Variants in HS3ST1 observed in about 807,000 individuals in gnomAD.
HS3ST1 encodes the protein heparan sulfate glucosamine 3-O-sulfotransferase 1.
In HS3ST1, 8 loss-of-function variants were observed where a neutral mutation model predicts 20.7. The observed-to-expected ratio is 0.39, with a 90% CI of 0.23 to 0.70. The LOEUF is 0.70. Among genes scored for constraint, HS3ST1 ranks in the 30% least tolerant of loss-of-function variants. The probability of loss-of-function intolerance (pLI) is 0.46; values close to 1 mark genes in which losing one functional copy is unlikely to be tolerated. For synonymous variants in HS3ST1, 205 were observed against 190.4 expected (o/e 1.08, Z -0.63); for missense variants, 436 against 423.4 (o/e 1.03, Z -0.26).
intron 1 of HS3ST1, among the ~76,000 whole-genome samples, chr4:11,413,590 C>T (rs887726243): frequency 6.6e-6 from 1 of 152,078 alleles, no homozygotes; most frequent in Non-Finnish European, 1.5e-5. Flanking sequence ...AAATTAGAGA[C>T]ACAGTTGACA....
chr4:11,423,098 CCTT>C (rs1718979699), intron 1 of HS3ST1, among the ~76,000 whole-genome samples: 1 of 148,900 alleles, frequency 6.7e-6, no homozygotes, highest in Non-Finnish European at 1.5e-5. Flanking sequence ...ATTAAGGCAT[CCTT>C]ACCACAGTCC....
chr4:11,432,603 G>A (rs1031853004), upstream of HS3ST1, among the ~76,000 whole-genome samples: 3 of 152,234 alleles, frequency 2.0e-5, no homozygotes, highest in African/African-American at 7.2e-5. Flanking sequence ...CACAGAGCCA[G>A]TTGGGTAGAG....
At chr4:11,414,063 T>A (rs1440546505) in intron 1 of HS3ST1, 6 of 152,284 alleles carry the variant, frequency 3.9e-5, no homozygotes, top group Admixed American at 3.9e-4. Flanking sequence ...CATAAAACAC[T>A]GGATCTTCCT....
chr4:11,407,570 T>C (rs1338613875), intron 1 of HS3ST1, among the ~76,000 whole-genome samples: 1 of 152,188 alleles, frequency 6.6e-6, no homozygotes, highest in African/African-American at 2.4e-5. Flanking sequence ...GAATGATAAA[T>C]GCAACCTGTC....
Position 11,423,995 on chromosome 4 carries a change from T to C in HS3ST1, c.-109+4704A>G, listed in dbSNP as rs558054896. ...CGAATTAGCTGCTGGCACTTGAAAGTGAGTAGATTTTACATAAAACTGTGA... is the reference window on the plus strand; with the variant it reads ...CGAATTAGCTGCTGGCACTTGAAAGCGAGTAGATTTTACATAAAACTGTGA... On this transcript the variant is annotated intron_variant, in intron 1 of 1. Transcript: ENST00000002596. Among the ~76,000 whole-genome samples the C allele has an allele frequency of 3.5e-5, 5 of 143,186 alleles. No homozygotes were observed. In the East Asian group the frequency reaches 1.0e-3, roughly 30 times the overall value. 93.9% of individuals were successfully genotyped at this position (143,186 alleles called of 152,430 possible).
chr4:11,400,281 A>G (rs1718288325), intron 1 of HS3ST1, among the ~76,000 whole-genome samples, 168 bp from the exon 2 acceptor site: 1 of 152,166 alleles, frequency 6.6e-6, no homozygotes, highest in African/African-American at 2.4e-5. Context: ...AGTCCAGAGA[A>G]TAAGTATTTT....
rs1718135236 is a variant in HS3ST1, at chr4:11,396,019, C to T, written c.*3063G>A. Reference sequence around the variant, plus strand: ...TTTTATATTCTTGAGGACTCAATACCATGTTGAGCATGTGGTAGGGGATCA... The same window carrying T: ...TTTTATATTCTTGAGGACTCAATACTATGTTGAGCATGTGGTAGGGGATCA... On this transcript the variant is annotated 3_prime_UTR_variant, in exon 2 of 2. Transcript: ENST00000002596. The T allele has an allele frequency of 6.6e-6, 1 of 151,914 alleles. No homozygotes were observed. The highest frequency in any genetic ancestry group is 6.6e-5 in the Admixed American group (1 of 15,242). The allele number at this position is 151,914 out of a possible 1,614,324, so 9.4% of individuals were successfully genotyped here. A position where few individuals can be genotyped will look rare whatever the true frequency, so the allele number is the denominator to read the frequency against.
chr4:11,424,647 T>A (rs1269811975), intron 1 of HS3ST1, among the ~76,000 whole-genome samples: 1 of 152,180 alleles, frequency 6.6e-6, no homozygotes, highest in Non-Finnish European at 1.5e-5. Context: ...CAAGATGGTG[T>A]TGCAGAAAAG....
rs1483081249 is a variant in HS3ST1 at position 11,400,471 on chromosome 4, T to C, written c.-108-358A>G. ...TGTCATTAAATATTATTTTCCTTCT[T>C]ACTATTGTTATTTTTTGCAATCATT... On this transcript the variant is annotated intron_variant, in intron 1 of 1. Coordinates refer to ENST00000002596, the MANE Select transcript of HS3ST1 (RefSeq NM_005114.4). 2.6e-5 allele frequency among the ~76,000 whole-genome samples: 4 copies of C among 152,246 alleles called. No individual in the cohort carries two copies. The East Asian group carries it at 5.8e-4, about 22-fold the overall frequency.
chr4:11,403,888 C>T (rs558694854), intron 1 of HS3ST1, among the ~76,000 whole-genome samples: 36 of 152,296 alleles, frequency 2.4e-4, no homozygotes, highest in Middle Eastern at 3.4e-3. Flanking sequence ...ATTCCACCTG[C>T]TTCAAATGAT....
chr4:11,425,894 A>G (rs1719047986), intron 1 of HS3ST1, among the ~76,000 whole-genome samples: 1 of 152,162 alleles, frequency 6.6e-6, no homozygotes, highest in South Asian at 2.1e-4. Flanking sequence ...ATAAGAAAAG[A>G]GCAGCCTCAA....
intron 1 of HS3ST1, among the ~76,000 whole-genome samples, chr4:11,404,902 G>A (rs1338796721): frequency 6.6e-6 from 1 of 152,202 alleles, no homozygotes; most frequent in Admixed American, 6.5e-5. Flanking sequence ...CAAGGTAAGT[G>A]ATGTTTTTAT....
rs1718237905 is a variant in HS3ST1 at position 11,399,269 on chromosome 4, A to C, written c.737T>G (p.Phe246Cys). The change falls in exon 2 of 2, where the codon TTC becomes TGC. Residue 246 changes from phenylalanine (F) to cysteine (C), a missense_variant. By Grantham distance (205) the Phe-to-Cys change is radical. Transcript: ENST00000002596. This position sits in a 1 kb window ranked among gnomAD's most constrained non-coding sequence, Gnocchi z 5.1. Reference protein sequence around the residue: ...KLSPQINASNFYFNKTKGFYC... With the variant: ...KLSPQINASNCYFNKTKGFYC... The stretch of plus-strand genomic sequence containing the variant: ...AAAGCCCTTGGTTTTGTTAAAGTAG[A>C]AGTTCGAAGCATTGATCTGCGGCGA... The C allele has an allele frequency of 6.2e-7, 1 of 1,614,006 alleles. No individual in the cohort carries two copies. Among genetic ancestry groups the C allele is most frequent in the Non-Finnish European group, 8.5e-7 (1 of 1,180,034 alleles).
chr4:11,420,018 G>T (rs1718887707), intron 1 of HS3ST1, among the ~76,000 whole-genome samples: 1 of 152,268 alleles, frequency 6.6e-6, no homozygotes. Flanking sequence ...CAGCATAGCA[G>T]ATTCTAACCA....
At position 11,413,600 on chromosome 4, in the gene HS3ST1, A is replaced by ACC. The variant is rs1718692271; in HGVS notation, c.-108-13489_-108-13488dup. On this transcript the variant is annotated intron_variant, in intron 1 of 1. Transcript: ENST00000002596. The stretch of plus-strand genomic sequence containing the variant: ...CTAAGAAATTAGAGACACAGTTGAC[A>ACC]CCCACCCTGTCTCTTCCCTCAAACA... Among the ~76,000 whole-genome samples the ACC allele has an allele frequency of 3.9e-5, 6 of 152,154 alleles. No individual in the cohort carries two copies. In the South Asian group the frequency reaches 1.2e-3, roughly 32 times the overall value.
At chr4:11,404,301 C>T (rs571858577) in intron 1 of HS3ST1, among the ~76,000 whole-genome samples, 2 of 152,166 alleles carry the variant, frequency 1.3e-5, no homozygotes, top group East Asian at 1.9e-4. Flanking sequence ...CCACCTGTTT[C>T]GGTCTCCCAA....
chr4:11,431,267 T>C (rs1182898209), upstream of HS3ST1, among the ~76,000 whole-genome samples: 1 of 151,312 alleles, frequency 6.6e-6, no homozygotes, highest in Non-Finnish European at 1.5e-5. Context: ...AAATGGAACT[T>C]CCCTCAAGGA....
Position 11,399,861 on chromosome 4 carries a change from C to T in HS3ST1, c.145G>A (p.Gly49Ser), listed in dbSNP as rs1352977694. Residue 49 changes from glycine to serine, a missense_variant, in exon 2 of 2, where the codon GGC (glycine) becomes AGC (serine). By Grantham distance (56) the Gly-to-Ser change is moderately conservative. Transcript: ENST00000002596. The surrounding 1 kb of genome is among the most constrained non-coding windows in gnomAD (Gnocchi z 5.1). ...DDVRDGVAPN[G>S]SAQQLPQTII... ...GTCTGCGGCAACTGCTGGGCAGAGC[C>T]GTTTGGGGCCACGCCATCGCGGACG... 2.5e-6 allele frequency: 4 copies of T among 1,612,590 alleles called. No homozygotes were observed. The highest frequency in any genetic ancestry group is 2.2e-5 in the East Asian group (1 of 44,872).
chr4:11,410,053 T>TA (rs367694371), intron 1 of HS3ST1, among the ~76,000 whole-genome samples: 11 of 151,924 alleles, frequency 7.2e-5, no homozygotes, highest in African/African-American at 2.2e-4. Context: ...AAGGAAAAAA[T>TA]AAAAATAAAA....
Sources: allele counts gnomAD v4.1 joint callset (sites outside exome capture counted in the v4.1 genomes callset), GRCh38; gene constraint gnomAD v4.1.1; non-coding constraint Gnocchi (gnomAD v3.1); transcripts MANE v1.5; gene names NCBI Gene and HGNC (gene_info 2026-07-23, HGNC 2026-07-21).